The following ANK2 variants were observed in gnomAD, a reference collection of about 807,000 sequenced individuals.
ANK2 encodes ankyrin 2.
In ANK2, 83 loss-of-function variants were observed where a neutral mutation model predicts 360.5. The observed-to-expected ratio is 0.23, with a 90% CI of 0.19 to 0.28. The LOEUF (loss-of-function observed/expected upper bound fraction) is 0.28. ANK2 is among the 10% of genes least tolerant of loss of function. The pLI, the probability that ANK2 is intolerant of heterozygous loss-of-function variation, is 1.00. For synonymous variants in ANK2, 1,740 were observed against 1,759.5 expected (o/e 0.99, Z 0.28); for missense variants, 4,201 against 4,795.7 (o/e 0.88, Z 3.66).
At chr4:113,031,016 A>G (rs1322515522) in intron 2 of ANK2, among the ~76,000 whole-genome samples, 1 of 152,028 alleles carries the variant, frequency 6.6e-6, no homozygotes, top group Non-Finnish European at 1.5e-5. Flanking sequence ...AGAGAATAGT[A>G]AAATGACCAT....
chr4:113,114,099 T>G (rs2094539955), intron 1 of ANK2, among the ~76,000 whole-genome samples: 1 of 152,174 alleles, frequency 6.6e-6, no homozygotes, highest in African/African-American at 2.4e-5. Flanking sequence ...GTTTATTTTG[T>G]TTACAAATAT....
intron 2 of ANK2, among the ~76,000 whole-genome samples, chr4:112,968,870 T>C (rs1250859821): frequency 6.6e-6 from 1 of 152,230 alleles, no homozygotes; most frequent in Non-Finnish European, 1.5e-5. Context: ...TATACCATTT[T>C]AATTTGGTAA....
intron 1 of ANK2, among the ~76,000 whole-genome samples, chr4:112,874,642 CAAAAA>C (rs1160396405): frequency 8.8e-5 from 7 of 79,604 alleles, no homozygotes; most frequent in African/African-American, 1.9e-4. Context: ...GACGCCATCT[CAAAAA>C]AAAAAAAAAA....
intron 23 of ANK2, among the ~76,000 whole-genome samples, chr4:113,303,559 G>A (rs1051105610): frequency 6.6e-6 from 1 of 152,048 alleles, no homozygotes; most frequent in African/African-American, 2.4e-5. Context: ...AGGGTGTCCG[G>A]CTCCCTATCT....
the ANK2 span, among the ~76,000 whole-genome samples, chr4:112,764,822 C>T: frequency 3.3e-5 from 5 of 151,868 alleles, no homozygotes; most frequent in Non-Finnish European, 7.4e-5. Flanking sequence ...ATTCTCCTGC[C>T]TCAGCCTCCC....
chr4:113,260,599 A>G (rs2052289667), intron 13 of ANK2, among the ~76,000 whole-genome samples: 1 of 152,222 alleles, frequency 6.6e-6, no homozygotes, highest in Admixed American at 6.5e-5. Context: ...TTAAATTTAA[A>G]TTTCAGATGA....
chr4:113,118,112 A>G (rs1025427003), intron 1 of ANK2, among the ~76,000 whole-genome samples: 4 of 152,178 alleles, frequency 2.6e-5, no homozygotes, highest in Admixed American at 6.5e-5. Context: ...ACATTGAACT[A>G]TTGTTTCTTT....
chr4:113,295,202 G>GTGCTAAGTTCTT (rs1373735786), intron 22 of ANK2, among the ~76,000 whole-genome samples: 4 of 152,036 alleles, frequency 2.6e-5, no homozygotes, highest in African/African-American at 9.7e-5. Flanking sequence ...GCTAAGTTCT[G>GTGCTAAGTTCTT]TGCTAAGTGC....
chr4:113,213,188 T>C (rs2099044956), intron 4 of ANK2, among the ~76,000 whole-genome samples: 1 of 152,216 alleles, frequency 6.6e-6, no homozygotes, highest in Non-Finnish European at 1.5e-5. Flanking sequence ...AGAAGGTAAT[T>C]CTAAGTCTGG....
chr4:113,059,244 A>G (rs957336750), intron 1 of ANK2, among the ~76,000 whole-genome samples: 5 of 152,072 alleles, frequency 3.3e-5, no homozygotes, highest in African/African-American at 7.2e-5. Context: ...ATTCAGTTAA[A>G]CTTGTATTAG....
intron 45 of ANK2, among the ~76,000 whole-genome samples, chr4:113,380,153 G>T (rs1315669315): frequency 6.6e-6 from 1 of 151,962 alleles, no homozygotes; most frequent in Non-Finnish European, 1.5e-5. Flanking sequence ...GTGGAATGAG[G>T]ACCCGCATTT....
At chr4:112,881,886 C>G (rs1248175335) in intron 1 of ANK2, 4 of 725,602 alleles carry the variant, frequency 5.5e-6, no homozygotes, top group Non-Finnish European at 1.0e-5. Context: ...TGAGACCGCT[C>G]TCTTTGGTTC....
At chr4:112,866,892 C>T (rs1222787774) in intron 1 of ANK2, among the ~76,000 whole-genome samples, 2 of 151,922 alleles carry the variant, frequency 1.3e-5, no homozygotes, top group Admixed American at 6.6e-5. Context: ...TAGTTATTTC[C>T]TTGTATCAAA....
the ANK2 span, among the ~76,000 whole-genome samples, chr4:112,750,974 G>C: frequency 1.3e-5 from 2 of 152,278 alleles, no homozygotes; most frequent in South Asian, 4.1e-4. Flanking sequence ...TGATCCACCT[G>C]CCTCTGCCTT....
At chr4:113,081,385 C>T (rs187345544) in intron 1 of ANK2, among the ~76,000 whole-genome samples, 1 of 152,266 alleles carries the variant, frequency 6.6e-6, no homozygotes, top group Admixed American at 6.5e-5. Flanking sequence ...GCAAGAATGG[C>T]TGGGCATTTT....
chr4:112,917,916 T>C lies in ANK2; in HGVS notation c.21+13402T>C, dbSNP rs192223995. Among the ~76,000 whole-genome samples, 216 of 152,170 alleles carry C rather than the reference T, an allele frequency of 1.4e-3. 1 individual carries two copies. Among genetic ancestry groups the C allele is most frequent in the African/African-American group, 4.8e-3 (201 of 41,532 alleles). On this transcript the variant is annotated intron_variant, in intron 2 of 30. Transcript: ENST00000503271. ...AGACCAGAAGAAGGGGAAACAATAA[T>C]ATAATTTGATTGTCAATGGCATCAG...
chr4:113,312,708 T>C (rs1450615902), intron 24 of ANK2, among the ~76,000 whole-genome samples: 1 of 152,140 alleles, frequency 6.6e-6, no homozygotes, highest in Non-Finnish European at 1.5e-5. Context: ...CTTAACAAGG[T>C]CTTGAGCAAA....
At chr4:112,786,812 G>A in the ANK2 span, among the ~76,000 whole-genome samples, 5 of 146,554 alleles carry the variant, frequency 3.4e-5, no homozygotes, top group Admixed American at 1.4e-4. Flanking sequence ...GCAGTGGCAC[G>A]ATCTCAGCTC....
intron 31 of ANK2, among the ~76,000 whole-genome samples, chr4:113,338,634 C>T (rs1316629405): frequency 6.8e-6 from 1 of 147,972 alleles, no homozygotes; most frequent in African/African-American, 2.5e-5. Context: ...ACTGCAAGCT[C>T]CACCTCCTGG....
Sources: gnomAD v4.1 joint callset for allele counts (sites outside exome capture counted in the v4.1 genomes callset) on GRCh38, gnomAD v4.1.1 for gene constraint, MANE v1.5 for transcripts, NCBI Gene and HGNC (gene_info 2026-07-23, HGNC 2026-07-21) for gene names.